The following SLC25A21 variants were observed in gnomAD, a reference collection of about 807,000 sequenced individuals.
SLC25A21 encodes the protein mitochondrial 2-oxodicarboxylate carrier.
In SLC25A21, 47 loss-of-function variants were observed where a neutral mutation model predicts 43.8. That is an observed-to-expected ratio of 1.07 (90% CI 0.85 to 1.37). The LOEUF is 1.37. SLC25A21 is among the 40% of genes most tolerant of loss of function. The pLI, the probability that SLC25A21 is intolerant of heterozygous loss-of-function variation, is 0.00. For synonymous variants in SLC25A21, 131 were observed against 121.3 expected (o/e 1.08, Z -0.52); for missense variants, 352 against 350.2 (o/e 1.00, Z -0.04).
chr14:36,915,045 A>G (rs1451596304), intron 1 of SLC25A21, among the ~76,000 whole-genome samples: 1 of 152,138 alleles, frequency 6.6e-6, no homozygotes, highest in Non-Finnish European at 1.5e-5. Context: ...TACCCTAAAA[A>G]TGATCACAAT....
At chr14:36,994,953 T>C (rs550553829) in intron 1 of SLC25A21, among the ~76,000 whole-genome samples, 1 of 152,322 alleles carries the variant, frequency 6.6e-6, no homozygotes, top group East Asian at 1.9e-4. Context: ...AATAATTCAA[T>C]AGAACTAATT....
intron 1 of SLC25A21, among the ~76,000 whole-genome samples, chr14:36,950,560 T>C (rs1439244821): frequency 6.6e-6 from 1 of 152,036 alleles, no homozygotes; most frequent in African/African-American, 2.4e-5. Context: ...TAAGAGAAAA[T>C]AAATTTCTGT....
chr14:37,012,587 T>C (rs1238297023), intron 1 of SLC25A21, among the ~76,000 whole-genome samples: 1 of 152,230 alleles, frequency 6.6e-6, no homozygotes. Flanking sequence ...TAGTATTTTC[T>C]GGAGTTTTAA....
chr14:36,881,087 G>A (rs80168332), intron 1 of SLC25A21, among the ~76,000 whole-genome samples: 4,730 of 152,264 alleles, frequency 0.031, 170 homozygotes, highest in African/African-American at 0.079. Flanking sequence ...TGTTGCTGTT[G>A]ACAGTGTGAA....
intron 1 of SLC25A21, among the ~76,000 whole-genome samples, chr14:36,891,684 G>GA (rs1180102234): frequency 1.3e-5 from 2 of 151,940 alleles, no homozygotes; most frequent in Non-Finnish European, 2.9e-5. Flanking sequence ...GCGTTTCCCA[G>GA]AATCTCTTGA....
intron 2 of SLC25A21, among the ~76,000 whole-genome samples, chr14:36,853,159 T>C (rs941553455): frequency 6.6e-6 from 1 of 152,230 alleles, no homozygotes; most frequent in Non-Finnish European, 1.5e-5. Context: ...AATTGTTCAT[T>C]TGAAGACTGT....
At position 37,040,095 on chromosome 14, in the gene SLC25A21, G is replaced by A. The variant is rs575502697; in HGVS notation, c.70+132186C>T. On this transcript the variant is annotated intron_variant, in intron 1 of 9. Transcript: ENST00000331299. ...GGCACCTGTAATCCCAGCTACTCGG[G>A]AGGCAGGAGCAGGAGAATTGCTGGA... Among the ~76,000 whole-genome samples the A allele has an allele frequency of 2.4e-3, 364 of 151,306 alleles. 1 individual carries two copies. Among genetic ancestry groups the A allele is most frequent in the African/African-American group, 8.7e-3 (357 of 41,024 alleles).
At chr14:37,160,911 CAG>C (rs1963928612) in intron 1 of SLC25A21, among the ~76,000 whole-genome samples, 1 of 143,010 alleles carries the variant, frequency 7.0e-6, no homozygotes, top group South Asian at 2.2e-4. Flanking sequence ...GCCTGGGCAA[CAG>C]AGTGAGATGT....
chr14:36,708,991 A>C (rs1187781383), intron 7 of SLC25A21, among the ~76,000 whole-genome samples: 1 of 143,662 alleles, frequency 7.0e-6, no homozygotes, highest in Non-Finnish European at 1.5e-5. Context: ...ATGACCATAC[A>C]TATATCTGAT....
intron 1 of SLC25A21, among the ~76,000 whole-genome samples, chr14:36,901,808 TA>T (rs534757086): frequency 1.3e-5 from 2 of 152,210 alleles, no homozygotes; most frequent in South Asian, 2.1e-4. Context: ...TTCTATAATT[TA>T]AATAACAGTA....
chr14:36,866,180 T>A (rs1461835273), intron 2 of SLC25A21, among the ~76,000 whole-genome samples: 2 of 152,152 alleles, frequency 1.3e-5, no homozygotes, highest in Non-Finnish European at 2.9e-5. Context: ...GGTGTTGCGA[T>A]GTTGCCTAGG....
At chr14:36,716,902 G>A (rs541731569) in intron 6 of SLC25A21, among the ~76,000 whole-genome samples, 23 of 152,248 alleles carry the variant, frequency 1.5e-4, no homozygotes, top group African/African-American at 5.5e-4. Flanking sequence ...TCAAAAGAAA[G>A]CACGCTCCAC....
At chr14:36,895,753 TG>T (rs1891219414) in intron 1 of SLC25A21, among the ~76,000 whole-genome samples, 1 of 152,182 alleles carries the variant, frequency 6.6e-6, no homozygotes, top group Non-Finnish European at 1.5e-5. Context: ...TTGTTCTCAT[TG>T]GTTTCAAAGA....
chr14:37,029,570 T>TA (rs1172727444), intron 1 of SLC25A21, among the ~76,000 whole-genome samples: 2 of 152,104 alleles, frequency 1.3e-5, no homozygotes, highest in Non-Finnish European at 2.9e-5. Context: ...CCAGTAGTGT[T>TA]AGCACAGTAC....
At chr14:36,964,542 A>C (rs1959569439) in intron 1 of SLC25A21, among the ~76,000 whole-genome samples, 1 of 152,244 alleles carries the variant, frequency 6.6e-6, no homozygotes, top group African/African-American at 2.4e-5. Flanking sequence ...CTTCAGTTAT[A>C]AAACAGGAAG....
chr14:37,038,037 T>C (rs1961366735), intron 1 of SLC25A21, among the ~76,000 whole-genome samples: 2 of 152,218 alleles, frequency 1.3e-5, no homozygotes, highest in South Asian at 2.1e-4. Context: ...AATAACTTTA[T>C]ACCCACATAC....
intron 7 of SLC25A21, among the ~76,000 whole-genome samples, chr14:36,698,385 T>C (rs970133640): frequency 3.9e-5 from 6 of 152,214 alleles, no homozygotes; most frequent in African/African-American, 1.4e-4. Context: ...CTGACAATTA[T>C]GTGTCTTGGG....
intron 1 of SLC25A21, among the ~76,000 whole-genome samples, chr14:37,108,972 C>G (rs903664709): frequency 6.6e-6 from 1 of 152,052 alleles, no homozygotes; most frequent in African/African-American, 2.4e-5. Flanking sequence ...CTTTCCTACT[C>G]CTCTTTAATT....
intron 1 of SLC25A21, among the ~76,000 whole-genome samples, chr14:36,884,979 C>A (rs139715552): frequency 0.013 from 2,014 of 152,194 alleles, 27 homozygotes; most frequent in Non-Finnish European, 0.02. Context: ...TAGTTTGGCG[C>A]AATTCCATTT....
Sources: allele counts gnomAD v4.1 joint callset (sites outside exome capture counted in the v4.1 genomes callset), GRCh38; gene constraint gnomAD v4.1.1; transcripts MANE v1.5; gene names NCBI Gene and HGNC (gene_info 2026-07-23, HGNC 2026-07-21).